TRIM75: variants seen among roughly 807,000 people sequenced by gnomAD.
TRIM75 encodes tripartite motif containing 75.
At chr4:165,056,377 A>G in the TRIM75 span, among the ~76,000 whole-genome samples, 1 of 151,668 alleles carries the variant, frequency 6.6e-6, no homozygotes, top group African/African-American at 2.4e-5. Flanking sequence ...GGATCCCTGC[A>G]TTTTCCAAAG....
At chr4:165,055,431 T>G in the TRIM75 span, among the ~76,000 whole-genome samples, 1 of 151,984 alleles carries the variant, frequency 6.6e-6, no homozygotes, top group Non-Finnish European at 1.5e-5. Flanking sequence ...ATTACAGGCA[T>G]GTACCACCAT....
the TRIM75 span, chr4:165,059,141 C>G: frequency 1.3e-6 from 1 of 767,626 alleles, no homozygotes; most frequent in Non-Finnish European, 2.4e-6. Context: ...CCTTCACCGA[C>G]AGCCCAATGG....
chr4:165,055,632 G>A, the TRIM75 span, among the ~76,000 whole-genome samples: 1 of 152,110 alleles, frequency 6.6e-6, no homozygotes, highest in Non-Finnish European at 1.5e-5. Context: ...TCTTGACGCT[G>A]GAAGATGAGG....
chr4:165,056,572 C>G, the TRIM75 span, among the ~76,000 whole-genome samples: 15 of 135,548 alleles, frequency 1.1e-4, no homozygotes, highest in African/African-American at 3.9e-4. Context: ...GTACCATGTC[C>G]TTTTTCTTTT....
the TRIM75 span, chr4:165,060,081 G>A: frequency 1.3e-6 from 1 of 780,826 alleles, no homozygotes. Context: ...TGTATCTGAA[G>A]ATAAAAAACG....
chr4:165,059,355 C>T, the TRIM75 span: 2 of 780,616 alleles, frequency 2.6e-6, no homozygotes, highest in Non-Finnish European at 4.8e-6. Context: ...GAGCAACACC[C>T]AGCTGGGAAG....
chr4:165,059,852 T>C, the TRIM75 span: 729 of 780,812 alleles, frequency 9.3e-4, 3 homozygotes, highest in Middle Eastern at 8.6e-3. Context: ...GCCAGTTAAG[T>C]AAGGTAGTAG....
the TRIM75 span, among the ~76,000 whole-genome samples, chr4:165,056,602 CTTTTTTTTTTTTTTTTTTT>C: frequency 2.9e-5 from 2 of 69,962 alleles, no homozygotes; most frequent in African/African-American, 8.9e-5. Flanking sequence ...GTCTCTGTCT[CTTTTTTTTTTTTTTTTTTT>C]TTTTTTTTTT....
At chr4:165,057,681 C>G in the TRIM75 span, among the ~76,000 whole-genome samples, 2 of 152,082 alleles carry the variant, frequency 1.3e-5, no homozygotes, top group Non-Finnish European at 2.9e-5. Context: ...CAGGCATGTG[C>G]CCCCATGCCA....
At chr4:165,056,602 CTTTTTTTTTTTT>C in the TRIM75 span, among the ~76,000 whole-genome samples, 10,063 of 70,144 alleles carry the variant, frequency 0.14, 313 homozygotes, top group South Asian at 0.26. Flanking sequence ...GTCTCTGTCT[CTTTTTTTTTTTT>C]TTTTTTTTTT....
At chr4:165,053,872 C>G in the TRIM75 span, among the ~76,000 whole-genome samples, 2 of 151,824 alleles carry the variant, frequency 1.3e-5, no homozygotes. Flanking sequence ...CTGCACTTTC[C>G]ATGTGTGTTT....
At chr4:165,054,207 C>G in the TRIM75 span, among the ~76,000 whole-genome samples, 1 of 151,922 alleles carries the variant, frequency 6.6e-6, no homozygotes. Flanking sequence ...ATTCTCCTGC[C>G]TGTGCCTTCC....
the TRIM75 span, among the ~76,000 whole-genome samples, chr4:165,056,602 C>CTTTTT: frequency 1.8e-3 from 123 of 70,008 alleles, 3 homozygotes; most frequent in Non-Finnish European, 2.8e-3. Context: ...GTCTCTGTCT[C>CTTTTT]TTTTTTTTTT....
chr4:165,060,518 A>G, the TRIM75 span: 71,162 of 775,638 alleles, frequency 0.092, 4,636 homozygotes, highest in African/African-American at 0.26. Flanking sequence ...CAGATTCACA[A>G]CCTCTCAGAA....
chr4:165,059,149 T>A, the TRIM75 span: 1 of 773,224 alleles, frequency 1.3e-6, no homozygotes, highest in Non-Finnish European at 2.4e-6. Context: ...GACAGCCCAA[T>A]GGCAGTGGCA....
chr4:165,056,602 C>CTTTT, the TRIM75 span, among the ~76,000 whole-genome samples: 150 of 70,000 alleles, frequency 2.1e-3, 14 homozygotes, highest in Non-Finnish European at 2.8e-3. Context: ...GTCTCTGTCT[C>CTTTT]TTTTTTTTTT....
At chr4:165,058,426 C>T in the TRIM75 span, among the ~76,000 whole-genome samples, 6 of 151,994 alleles carry the variant, frequency 3.9e-5, no homozygotes, top group East Asian at 1.2e-3. Context: ...CTTACCAAGA[C>T]AAAAGTTTAA....
the TRIM75 span, among the ~76,000 whole-genome samples, chr4:165,054,590 T>G: frequency 0.014 from 2,154 of 152,012 alleles, 45 homozygotes; most frequent in African/African-American, 0.046. Context: ...TTTGTATTTT[T>G]AGTCTCACCG....
chr4:165,059,811 GCATTTT>G, the TRIM75 span: 1 of 780,882 alleles, frequency 1.3e-6, no homozygotes, highest in Non-Finnish European at 2.4e-6. Context: ...AAACATAACA[GCATTTT>G]CAAACTACAG....
Sources: allele counts gnomAD v4.1 joint callset (sites outside exome capture counted in the v4.1 genomes callset), GRCh38; gene constraint gnomAD v4.1.1; transcripts MANE v1.5; gene names NCBI Gene and HGNC (gene_info 2026-07-23, HGNC 2026-07-21).